Variants in SLC15A1 observed in about 807,000 individuals in gnomAD.
The protein encoded by SLC15A1 is solute carrier family 15 member 1, also known as Caco-2 oligopeptide transporter.
In SLC15A1, 83 loss-of-function variants were observed where a neutral mutation model predicts 92.9. The observed-to-expected ratio is 0.89, with a 90% CI of 0.75 to 1.07. The LOEUF (loss-of-function observed/expected upper bound fraction) is 1.07. Among genes scored for constraint, SLC15A1 ranks in the 50% least tolerant of loss-of-function variants. The probability of loss-of-function intolerance (pLI) is 0.00; values close to 1 mark genes in which losing one functional copy is unlikely to be tolerated. For missense variants in SLC15A1, 857 were observed against 880.1 expected, an observed-to-expected ratio of 0.97 and a Z score of 0.33; for synonymous variants, 322 against 318.2, an observed-to-expected ratio of 1.01 and a Z score of -0.13.
At chr13:98,721,327 G>A in intron 7 of SLC15A1, 168 bp downstream of exon 7, 2 of 712,780 alleles carry the variant, frequency 2.8e-6, no homozygotes, top group Non-Finnish European at 5.2e-6. Context: ...AAAAGGAGGT[G>A]AAACTCACAG....
At chr13:98,685,678 G>A (rs748435016) in intron 22 of SLC15A1, among the ~76,000 whole-genome samples, 2 of 152,280 alleles carry the variant, frequency 1.3e-5, no homozygotes, top group East Asian at 1.9e-4. Context: ...TTCCAGCTGC[G>A]TTAACAACAA....
chr13:98,719,411 A>G (rs1307620915), intron 7 of SLC15A1, 91 bp from the exon 8 acceptor site: 1 of 903,708 alleles, frequency 1.1e-6, no homozygotes, highest in East Asian at 2.5e-5. Flanking sequence ...ATAATTACGT[A>G]TTGCTTTCAC....
chr13:98,728,187 A>T (rs1163355874), intron 1 of SLC15A1, among the ~76,000 whole-genome samples: 2 of 152,190 alleles, frequency 1.3e-5, no homozygotes, highest in African/African-American at 2.4e-5. Flanking sequence ...GGATGCATTT[A>T]TTCCTGGGTT....
intron 1 of SLC15A1, among the ~76,000 whole-genome samples, chr13:98,737,403 T>C (rs2088403535): frequency 6.6e-6 from 1 of 152,158 alleles, no homozygotes; most frequent in South Asian, 2.1e-4. Flanking sequence ...AATGACGGGT[T>C]AATGGGTGCA....
intron 18 of SLC15A1, among the ~76,000 whole-genome samples, chr13:98,695,825 T>A (rs1307157771): frequency 6.6e-6 from 1 of 152,194 alleles, no homozygotes; most frequent in East Asian, 1.9e-4. Context: ...TATATACTCT[T>A]CCTTTAATTC....
rs2088172455 is a variant in SLC15A1 at position 98,712,517 on chromosome 13, C to G, written c.791G>C (p.Trp264Ser). ...AFPKREHWLD[W>S]AKEKYDERLI... is the part of the protein sequence containing the mutation. ...ACTTACATCGTATTTCTCTTTAGCCCAGTCCAGCCAGTGCTCCCTCTTGGG... is the reference window on the plus strand; with the variant it reads ...ACTTACATCGTATTTCTCTTTAGCCGAGTCCAGCCAGTGCTCCCTCTTGGG... The change falls in exon 10 of 23, where the codon TGG becomes TCG. Residue 264 changes from tryptophan (W) to serine (S), a missense_variant. Physicochemically the swap from Trp to Ser is radical, Grantham distance 177. Coordinates refer to ENST00000376503, the MANE Select transcript of SLC15A1 (RefSeq NM_005073.4). 1 of 1,611,530 alleles carries G rather than the reference C, an allele frequency of 6.2e-7. No individual in the cohort carries two copies. Among genetic ancestry groups the G allele is most frequent in the Admixed American group, 1.7e-5 (1 of 59,676 alleles).
chr13:98,743,012 G>A (rs2088461639), intron 1 of SLC15A1, among the ~76,000 whole-genome samples: 1 of 152,128 alleles, frequency 6.6e-6, no homozygotes, highest in Non-Finnish European at 1.5e-5. Flanking sequence ...TGTCTCAAGT[G>A]ATCCTCCCAC....
intron 17 of SLC15A1, among the ~76,000 whole-genome samples, chr13:98,702,967 C>CAAAAAAAAA (rs535486738): frequency 3.9e-5 from 3 of 77,688 alleles, no homozygotes; most frequent in Non-Finnish European, 5.1e-5. Context: ...GATCCTGTCT[C>CAAAAAAAAA]AAAAAAAAAA....
At chr13:98,687,448 T>C in intron 21 of SLC15A1, 133 bp downstream of exon 21, 1 of 1,047,120 alleles carries the variant, frequency 9.5e-7, no homozygotes, top group Non-Finnish European at 1.4e-6. Flanking sequence ...GAGACCTTGC[T>C]GTAGGGAAGA....
intron 5 of SLC15A1, 62 bp from the exon 6 acceptor site, chr13:98,721,965 T>C: frequency 7.3e-7 from 1 of 1,377,468 alleles, no homozygotes; most frequent in South Asian, 1.3e-5. Context: ...GGCCTCTCTT[T>C]TCCCCAGTTT....
At chr13:98,710,119 A>C (rs916250423) in intron 11 of SLC15A1, among the ~76,000 whole-genome samples, 1 of 152,214 alleles carries the variant, frequency 6.6e-6, no homozygotes, top group African/African-American at 2.4e-5. Context: ...AGTGAACACA[A>C]TACGGAGTGC....
Position 98,684,910 on chromosome 13 carries a change from G to C in SLC15A1, c.1941C>G (p.Ala647=). ...GCAACGCGGCAAATAGAATGTACTCGGCCCACTTTGAAGAAATCAGAGTTG... is the reference window on the plus strand; with the variant it reads ...GCAACGCGGCAAATAGAATGTACTCCGCCCACTTTGAAGAAATCAGAGTTG... ...AGAGQFSKQW[A]EYILFAALLL... is the part of the protein sequence containing the mutation. The change falls in exon 23 of 23, where the codon GCC becomes GCG. Residue 647 remains alanine, a synonymous_variant. Transcript: ENST00000376503. The C allele has an allele frequency of 1.9e-6, 3 of 1,610,468 alleles. No individual in the cohort carries two copies. Among genetic ancestry groups the C allele is most frequent in the South Asian group, 2.2e-5 (2 of 90,634 alleles).
Position 98,752,591 on chromosome 13 carries a change from G to T in SLC15A1, c.4+4C>A. Reference sequence around the variant, plus strand: ...CCGGCCGGCCCCCCACCCGCCGAGCGTACCCATGGCGGCGGCTCCCAGGGC... The same window carrying T: ...CCGGCCGGCCCCCCACCCGCCGAGCTTACCCATGGCGGCGGCTCCCAGGGC... On this transcript the variant is annotated splice_donor_region_variant and intron_variant, in intron 1 of 22. Transcript: ENST00000376503. The T allele has an allele frequency of 8.0e-7, 1 of 1,257,234 alleles. No homozygotes were observed. The highest frequency in any genetic ancestry group is 1.0e-6 in the Non-Finnish European group (1 of 1,001,072). 77.9% of individuals were successfully genotyped at this position (1,257,234 alleles called of 1,614,324 possible).
At chr13:98,704,879 G>C (rs2088099243) in intron 16 of SLC15A1, among the ~76,000 whole-genome samples, 1 of 152,046 alleles carries the variant, frequency 6.6e-6, no homozygotes, top group East Asian at 1.9e-4. Flanking sequence ...GGCTAAACAG[G>C]AACGAGACTG....
intron 8 of SLC15A1, among the ~76,000 whole-genome samples, chr13:98,716,985 G>A (rs1339609608): frequency 1.3e-5 from 2 of 152,170 alleles, no homozygotes; most frequent in African/African-American, 4.8e-5. Context: ...AGTAGTTCAA[G>A]AGCAGCCTGG....
At chr13:98,719,422 A>G (rs1272938258) in intron 7 of SLC15A1, 102 bp from the exon 8 acceptor site, 2 of 811,284 alleles carry the variant, frequency 2.5e-6, no homozygotes, top group East Asian at 2.6e-5. Flanking sequence ...TTGCTTTCAC[A>G]TACTGTTCTA....
intron 2 of SLC15A1, 42 bp from the exon 3 acceptor site, chr13:98,726,491 C>A (rs757619376): frequency 2.0e-5 from 31 of 1,570,494 alleles, no homozygotes; most frequent in Non-Finnish European, 2.6e-5. Flanking sequence ...ATACACCCCC[C>A]ACTGGTCCAT....
In SLC15A1 at chr13:98,706,117, A is replaced by G. The variant is rs371986150; in HGVS notation, c.1269+17T>C. The G allele has an allele frequency of 3.6e-5, 57 of 1,597,612 alleles. No individual in the cohort carries two copies. The African/African-American group carries it at 6.6e-4, about 19-fold the overall frequency. Reference sequence around the variant, plus strand: ...GTCAGAAGATGAAAAAGAAGGCAGCAATTTCCTTCTACTTACTTGAGACAT... The same window carrying G: ...GTCAGAAGATGAAAAAGAAGGCAGCGATTTCCTTCTACTTACTTGAGACAT... On this transcript the variant is annotated intron_variant, in intron 16 of 22. Transcript: ENST00000376503.
rs1014878247 is a variant in SLC15A1 at position 98,750,512 on chromosome 13, A to G, written c.4+2083T>C. On this transcript the variant is annotated intron_variant, in intron 1 of 22. Transcript: ENST00000376503. ...AATGGTATGATTCTGAGTCTCATCC[A>G]ATCCCTCACTTTCCTATTCATTCAG... Among the ~76,000 whole-genome samples the G allele has an allele frequency of 4.1e-4, 62 of 152,270 alleles. 1 individual carries two copies. The highest frequency in any genetic ancestry group is 1.2e-3 in the Admixed American group (18 of 15,290).
Sources: allele counts gnomAD v4.1 joint callset (sites outside exome capture counted in the v4.1 genomes callset), GRCh38; gene constraint gnomAD v4.1.1; transcripts MANE v1.5; gene names NCBI Gene and HGNC (gene_info 2026-07-23, HGNC 2026-07-21).